FCN1: variants seen among roughly 807,000 people sequenced by gnomAD.
FCN1 encodes the protein ficolin-1.
In FCN1, 42 loss-of-function variants were observed where a neutral mutation model predicts 35.6. The ratio of observed to expected loss-of-function variants is 1.18; its 90% CI spans 0.92 to 1.53. The LOEUF (loss-of-function observed/expected upper bound fraction) is 1.53, where lower values mean the gene tolerates loss of function less well. Ranked by LOEUF, FCN1 falls within the 40% of genes most tolerant of loss-of-function variation. FCN1 has a pLI of 0.00. For missense variants in FCN1, 439 were observed against 428.4 expected, an observed-to-expected ratio of 1.02 and a Z score of -0.22; for synonymous variants, 179 against 169.8, an observed-to-expected ratio of 1.05 and a Z score of -0.42.
At chr9:134,915,800 C>G (rs1443832124) in intron 2 of FCN1, among the ~76,000 whole-genome samples, 1 of 152,182 alleles carries the variant, frequency 6.6e-6, no homozygotes, top group Admixed American at 6.5e-5. Context: ...GGACCCAAAA[C>G]CACCCAAGGC....
chr9:134,910,219 C>A (rs1274387045), intron 8 of FCN1, among the ~76,000 whole-genome samples, 174 bp from the exon 9 acceptor site: 3 of 152,118 alleles, frequency 2.0e-5, no homozygotes, highest in Non-Finnish European at 4.4e-5. Context: ...CAGGAGGCAA[C>A]CTCTGGCAAC....
At chr9:134,916,547 T>C in intron 1 of FCN1, 86 bp from the exon 2 acceptor site, 1 of 1,315,942 alleles carries the variant, frequency 7.6e-7, no homozygotes. Flanking sequence ...GGCCTTGGTC[T>C]GTCCTCACCC....
At position 134,907,064 on chromosome 9, in the gene FCN1, T is replaced by G. The variant is rs1830964280; in HGVS notation, c.*2734A>C. On this transcript the variant is annotated 3_prime_UTR_variant, in exon 9 of 9. Transcript: ENST00000371806. ...TCCAGCCTGGGTGGCAGAGTAAAAC[T>G]CTGTCTCAAAAAACAAACTAAAAGG... 1 of 152,176 alleles carries G rather than the reference T, an allele frequency of 6.6e-6. No homozygotes were observed. Among genetic ancestry groups the G allele is most frequent in the South Asian group, 2.1e-4 (1 of 4,832 alleles). The allele number at this position is 152,176 out of a possible 1,614,324, so 9.4% of individuals were successfully genotyped here. A position where few individuals can be genotyped will look rare whatever the true frequency, so the allele number is the denominator to read the frequency against.
intron 7 of FCN1, among the ~76,000 whole-genome samples, chr9:134,911,574 G>A (rs922766050): frequency 1.3e-5 from 2 of 150,452 alleles, no homozygotes; most frequent in African/African-American, 2.4e-5. Flanking sequence ...GGATGGTCTC[G>A]ATCTCTTCAC....
chr9:134,910,695 C>T (rs1457774124), intron 8 of FCN1, among the ~76,000 whole-genome samples: 1 of 152,192 alleles, frequency 6.6e-6, no homozygotes, highest in Non-Finnish European at 1.5e-5. Context: ...ATTCTCAGTG[C>T]CTTTCACGAA....
At chr9:134,913,313 C>T (rs943744021) in intron 5 of FCN1, among the ~76,000 whole-genome samples, 170 bp from the exon 6 acceptor site, 1 of 152,194 alleles carries the variant, frequency 6.6e-6, no homozygotes, top group Non-Finnish European at 1.5e-5. Context: ...AGCTGTGATG[C>T]CCACACCCAG....
chr9:134,914,252 T>C (rs1831063021), intron 4 of FCN1, 133 bp downstream of exon 4: 5 of 822,066 alleles, frequency 6.1e-6, no homozygotes, highest in South Asian at 4.2e-5. Flanking sequence ...CCCGCTGGAC[T>C]CCTTCCACCC....
chr9:134,915,622 A>G (rs1160098827), intron 2 of FCN1, among the ~76,000 whole-genome samples: 20 of 152,198 alleles, frequency 1.3e-4, no homozygotes, highest in Admixed American at 1.3e-3. Context: ...CACGTCAGTG[A>G]AAGTCCAAGT....
At chr9:134,916,168 A>G (rs1831088820) in intron 2 of FCN1, among the ~76,000 whole-genome samples, 180 bp downstream of exon 2, 1 of 152,160 alleles carries the variant, frequency 6.6e-6, no homozygotes, top group African/African-American at 2.4e-5. Context: ...CCCTCCCTCC[A>G]TTTCAGAACC....
rs1830956806 is a variant in FCN1 at position 134,906,216 on chromosome 9, C to T, written c.*3582G>A. On this transcript the variant is annotated 3_prime_UTR_variant, in exon 9 of 9. Transcript: ENST00000371806. ...TCAGCCTCCTAAAGTGCTAGGATTA[C>T]AGGCGTGAGCCACTGTGCCCAGCCT... is the stretch of plus-strand genomic sequence containing the variant. The T allele has an allele frequency of 1.3e-5, 2 of 152,018 alleles. No individual in the cohort carries two copies. The allele number at this position is 152,018 out of a possible 1,614,324, so 9.4% of individuals were successfully genotyped here.
rs1267057037 is a variant in FCN1, at chr9:134,916,571, G to A, written c.104-110C>T. 4 of 1,126,382 alleles carry A rather than the reference G, an allele frequency of 3.6e-6. No homozygotes were observed. In the African/African-American group the frequency reaches 6.1e-5, roughly 17 times the overall value. 69.8% of individuals were successfully genotyped at this position (1,126,382 alleles called of 1,614,324 possible). A position where few individuals can be genotyped will look rare whatever the true frequency, so the allele number is the denominator to read the frequency against. On this transcript the variant is annotated intron_variant, in intron 1 of 8. Coordinates refer to ENST00000371806, the MANE Select transcript of FCN1 (RefSeq NM_002003.5). ...CTGTCCTCACCCCTCAGGCACTGGT[G>A]AGGCGGAGATGTGATGGGGGGCAGA...
In FCN1 at chr9:134,905,833, C is replaced by G; in HGVS notation, c.*3965G>C. 1 of 31,374 alleles carries G rather than the reference C, an allele frequency of 3.2e-5. No individual in the cohort carries two copies. Among genetic ancestry groups the G allele is most frequent in the African/African-American group, 3.4e-4 (1 of 2,980 alleles). The allele number at this position is 31,374 out of a possible 1,614,324, so 1.9% of individuals were successfully genotyped here. On this transcript the variant is annotated 3_prime_UTR_variant, in exon 9 of 9. Transcript: ENST00000371806. ...TCCTCTTCTTCTTCTTCTTCCTCTT[C>G]CTCTTCCTCTTCCTCTTCCTCTTCC...
chr9:134,915,223 C>T (rs1181432168), intron 2 of FCN1, among the ~76,000 whole-genome samples: 1 of 152,190 alleles, frequency 6.6e-6, no homozygotes, highest in Non-Finnish European at 1.5e-5. Context: ...GTGGGCGCCA[C>T]GTGCAGCCGC....
rs1239490131 is a variant in FCN1, at chr9:134,909,396, A to G, written c.*402T>C. On this transcript the variant is annotated 3_prime_UTR_variant, in exon 9 of 9. Coordinates refer to ENST00000371806, the MANE Select transcript of FCN1 (RefSeq NM_002003.5). ...TGGAGGTGAGGATCGCCCTGTGTCAATTACTGGAGGTGGAAAATCCTCGCA... is the reference window on the plus strand; with the variant it reads ...TGGAGGTGAGGATCGCCCTGTGTCAGTTACTGGAGGTGGAAAATCCTCGCA... 2.3e-6 allele frequency: 3 copies of G among 1,290,462 alleles called. No individual in the cohort carries two copies. The highest frequency in any genetic ancestry group is 3.0e-6 in the Non-Finnish European group (3 of 989,244). The allele number at this position is 1,290,462 out of a possible 1,614,324, so 79.9% of individuals were successfully genotyped here. A position where few individuals can be genotyped will look rare whatever the true frequency, so the allele number is the denominator to read the frequency against.
At chr9:134,916,586 T>TG (rs1831095701) in intron 1 of FCN1, 125 bp from the exon 2 acceptor site, 2 of 932,998 alleles carry the variant, frequency 2.1e-6, no homozygotes, top group African/African-American at 1.6e-5. Context: ...GGAGATGTGA[T>TG]GGGGGGCAGA....
At position 134,909,771 on chromosome 9, in the gene FCN1, G is replaced by A; in HGVS notation, c.*27C>T. 6.2e-7 allele frequency: 1 copy of A among 1,611,092 alleles called. No individual in the cohort carries two copies. The highest frequency in any genetic ancestry group is 8.5e-7 in the Non-Finnish European group (1 of 1,179,718). ...TGTGGGTGTGGCCTCCCCACTAGCA[G>A]GTGCATGTGGAGGGGTCCTGGCCCG... On this transcript the variant is annotated 3_prime_UTR_variant, in exon 9 of 9. Transcript: ENST00000371806.
chr9:134,913,108 A>G lies in FCN1; in HGVS notation c.376T>C (p.Tyr126His), dbSNP rs771359747. ...RNCKDLLDRGYFLSGWHTIYL... is the reference protein window; with the variant it reads ...RNCKDLLDRGHFLSGWHTIYL... ...ATGGTGTGCCAGCCGCTCAGGAAAT[A>G]CCCCCGGTCTAGCAGGTCCTTGCAG... The change falls in exon 6 of 9, where the codon TAT (tyrosine) becomes CAT (histidine). Residue 126 changes from tyrosine to histidine, a missense_variant. Physicochemically the swap from Tyr to His is moderately conservative, Grantham distance 83. Transcript: ENST00000371806. 2.5e-6 allele frequency: 4 copies of G among 1,613,568 alleles called. No homozygotes were observed. The highest frequency in any genetic ancestry group is 3.3e-5 in the Admixed American group (2 of 59,948).
intron 2 of FCN1, 26 bp downstream of exon 2, chr9:134,916,322 G>T: frequency 6.4e-7 from 1 of 1,555,012 alleles, no homozygotes; most frequent in Non-Finnish European, 8.9e-7. Flanking sequence ...TGCCATGCCT[G>T]GCCTCCCCAC....
At position 134,911,022 on chromosome 9, in the gene FCN1, G is replaced by A. The variant is rs1831016076; in HGVS notation, c.733+111C>T. ...AATGCTAGTGTCTGCTTCATAGATGGAGAAATGGGATTCAGAGAGAGGAGG... is the reference window on the plus strand; with the variant it reads ...AATGCTAGTGTCTGCTTCATAGATGAAGAAATGGGATTCAGAGAGAGGAGG... On this transcript the variant is annotated intron_variant, in intron 8 of 8. Coordinates refer to ENST00000371806, the MANE Select transcript of FCN1 (RefSeq NM_002003.5). 4 of 1,116,738 alleles carry A rather than the reference G, an allele frequency of 3.6e-6. No individual in the cohort carries two copies. In the South Asian group the frequency reaches 4.2e-5, roughly 12 times the overall value. 69.2% of individuals were successfully genotyped at this position (1,116,738 alleles called of 1,614,324 possible). A position where few individuals can be genotyped will look rare whatever the true frequency, so the allele number is the denominator to read the frequency against.
Sources: gnomAD v4.1 joint callset for allele counts (sites outside exome capture counted in the v4.1 genomes callset) on GRCh38, gnomAD v4.1.1 for gene constraint, MANE v1.5 for transcripts, NCBI Gene and HGNC (gene_info 2026-07-23, HGNC 2026-07-21) for gene names.